The following GDF1 variants were observed in gnomAD, a reference collection of about 807,000 sequenced individuals.
GDF1 encodes growth differentiation factor 1.
GDF1 carries 8 observed loss-of-function variants against 7.4 expected under a neutral mutation model. That is an observed-to-expected ratio of 1.09 (90% CI 0.64 to 1.96). The LOEUF is 1.96. Ranked by LOEUF, GDF1 falls within the 30% of genes most tolerant of loss-of-function variation. The probability of loss-of-function intolerance (pLI) is 0.00; values close to 1 mark genes in which losing one functional copy is unlikely to be tolerated. For missense variants in GDF1, 574 were observed against 551.5 expected (o/e 1.04, Z -0.41); for synonymous variants, 311 against 276.7 (o/e 1.12, Z -1.23).
chr19:18,875,595 C>A lies in GDF1; in HGVS notation c.-313+3335G>T, dbSNP rs375840057. On this transcript the variant is annotated intron_variant, in intron 6 of 7. Coordinates refer to ENST00000247005, the MANE Select transcript of GDF1 (RefSeq NM_001492.6). ...ATTCAACTGTTAAAACGGTAATCCA[C>A]CTGGAATCCTCTCTCTGCTGTGGAG... Among the ~76,000 whole-genome samples, 16 of 152,062 alleles carry A rather than the reference C, an allele frequency of 1.1e-4. No individual in the cohort carries two copies. The East Asian group carries it at 3.1e-3, about 29-fold the overall frequency.
rs555949772 is a variant in GDF1 at position 18,890,049 on chromosome 19, C to T, written c.-914+3367G>A. On this transcript the variant is annotated intron_variant, in intron 2 of 7. Transcript: ENST00000247005. ...CTGGACCCCTGGGGTAGATGCCCAA[C>T]CCAGGGTGACATCCCTCCTCTGCTC... 2.0e-5 allele frequency among the ~76,000 whole-genome samples: 3 copies of T among 152,346 alleles called. 1 individual carries two copies. Among genetic ancestry groups the T allele is most frequent in the East Asian group, 3.9e-4 (2 of 5,186 alleles).
At chr19:18,877,898 C>T (rs940334679) in intron 6 of GDF1, 14 of 925,450 alleles carry the variant, frequency 1.5e-5, no homozygotes, top group African/African-American at 3.6e-5. Context: ...AATACCAGCT[C>T]GAGCCAAAAG....
chr19:18,879,564 C>T (rs566233199), intron 4 of GDF1, among the ~76,000 whole-genome samples, 176 bp from the exon 5 acceptor site: 2 of 150,944 alleles, frequency 1.3e-5, no homozygotes, highest in Admixed American at 6.6e-5. Context: ...CCGCCCACCT[C>T]GCCAAGGCCC....
chr19:18,895,502 C>G lies in GDF1; in HGVS notation c.-1074+322G>C, dbSNP rs2056603721. ...CCAAACTGACCGGAAAGGGCCGTGC[C>G]TCGGTCCCCCACGTCTCAAACATCC... On this transcript the variant is annotated intron_variant, in intron 1 of 7. Transcript: ENST00000247005. The surrounding 1 kb of genome is among the most constrained non-coding windows in gnomAD (Gnocchi z 6.4). 6.6e-6 allele frequency among the ~76,000 whole-genome samples: 1 copy of G among 151,934 alleles called. No individual in the cohort carries two copies. The highest frequency in any genetic ancestry group is 2.4e-5 in the African/African-American group (1 of 41,354).
intron 4 of GDF1, among the ~76,000 whole-genome samples, 172 bp downstream of exon 4, chr19:18,880,102 T>C (rs1322678876): frequency 6.7e-6 from 1 of 149,420 alleles, no homozygotes; most frequent in African/African-American, 2.5e-5. Context: ...TCCTTTCCTG[T>C]ATAGCCCCGC....
Position 18,878,362 on chromosome 19 carries a change from C to T in GDF1, c.-313+568G>A, listed in dbSNP as rs1302211117. ...GCTGTCACCCAGGGCTGGTGAGGCT[C>T]GTGGGCTATCTCCTTCCCCAGGACT... On this transcript the variant is annotated intron_variant, in intron 6 of 7. Transcript: ENST00000247005. This position sits in a 1 kb window ranked among gnomAD's most constrained non-coding sequence, Gnocchi z 4.6. 10 of 986,684 alleles carry T rather than the reference C, an allele frequency of 1.0e-5. No individual in the cohort carries two copies. The highest frequency in any genetic ancestry group is 6.1e-5 in the Admixed American group (1 of 16,482). 61.1% of individuals were successfully genotyped at this position (986,684 alleles called of 1,614,324 possible).
Position 18,870,492 on chromosome 19 carries a change from A to AGGGGGTGG in GDF1, c.-193_-186dup. 1 of 38,484 alleles carries AGGGGGTGG rather than the reference A, an allele frequency of 2.6e-5. No homozygotes were observed. 2.4% of individuals were successfully genotyped at this position (38,484 alleles called of 1,614,324 possible). On this transcript the variant is annotated 5_prime_UTR_variant, in exon 7 of 8. Coordinates refer to ENST00000247005, the MANE Select transcript of GDF1 (RefSeq NM_001492.6). This position sits in a 1 kb window ranked among gnomAD's most constrained non-coding sequence, Gnocchi z 5.1. The stretch of plus-strand genomic sequence containing the variant: ...GGCGGCCCTAGAGGAGCAGAGTTGG[A>AGGGGGTGG]GGGGGTGGAGGGGCGGCCAAGGACG...
chr19:18,888,100 C>T (rs1359770724), intron 2 of GDF1, among the ~76,000 whole-genome samples: 2 of 152,228 alleles, frequency 1.3e-5, no homozygotes, highest in Non-Finnish European at 2.9e-5. Context: ...TGGCTCACGC[C>T]TGTAATCCCA....
In GDF1 at chr19:18,873,309, C is replaced by T. The variant is rs550250379; in HGVS notation, c.-312-2690G>A. On this transcript the variant is annotated intron_variant, in intron 6 of 7. Coordinates refer to ENST00000247005, the MANE Select transcript of GDF1 (RefSeq NM_001492.6). ...GTGGCTAGGAGAGAAATGTAGGAGT[C>T]GGTGTGGATTAAGTGTGGGTAGAGA... 3.9e-5 allele frequency among the ~76,000 whole-genome samples: 6 copies of T among 151,938 alleles called. No individual in the cohort carries two copies. In the East Asian group the frequency reaches 7.8e-4, roughly 20 times the overall value.
chr19:18,886,248 A>T (rs1313855797), intron 2 of GDF1, among the ~76,000 whole-genome samples: 1 of 151,964 alleles, frequency 6.6e-6, no homozygotes, highest in Non-Finnish European at 1.5e-5. Context: ...TCTGCAAAAA[A>T]ATATATAAAA....
In GDF1 at chr19:18,879,055, G is replaced by A. The variant is rs748461371; in HGVS notation, c.-422-16C>T. The A allele has an allele frequency of 1.9e-6, 3 of 1,611,970 alleles. No individual in the cohort carries two copies. Among genetic ancestry groups the A allele is most frequent in the South Asian group, 2.2e-5 (2 of 90,946 alleles). On this transcript the variant is annotated splice_polypyrimidine_tract_variant and intron_variant, in intron 5 of 7. Transcript: ENST00000247005. ...CCACGATGTACTGCGAGAGGGGAGG[G>A]GAGGTGCCAGTGAGAAGAAAGCCCC...
chr19:18,876,134 G>A lies in GDF1; in HGVS notation c.-313+2796C>T, dbSNP rs575917762. On this transcript the variant is annotated intron_variant, in intron 6 of 7. Coordinates refer to ENST00000247005, the MANE Select transcript of GDF1 (RefSeq NM_001492.6). ...TGAGTAGCTGGGATTGCAGGCGTGC[G>A]CCATCATGCCTGGATAATTTTTCGT... 3.3e-5 allele frequency among the ~76,000 whole-genome samples: 5 copies of A among 152,200 alleles called. No individual in the cohort carries two copies. In the East Asian group the frequency reaches 5.8e-4, roughly 18 times the overall value.
In GDF1 at chr19:18,896,041, G is replaced by T. The variant is rs1260997104; in HGVS notation, c.-1291C>A. ...GTAGCTCGGCATGGGCTCGGGCCCCGTCGGCCCCGCCGCGGGCCCCGCCGC... is the reference window on the plus strand; with the variant it reads ...GTAGCTCGGCATGGGCTCGGGCCCCTTCGGCCCCGCCGCGGGCCCCGCCGC... On this transcript the variant is annotated 5_prime_UTR_variant, in exon 1 of 8. Transcript: ENST00000247005. This position sits in a 1 kb window ranked among gnomAD's most constrained non-coding sequence, Gnocchi z 5.9. The T allele has an allele frequency of 1.0e-6, 1 of 989,470 alleles. No homozygotes were observed. The highest frequency in any genetic ancestry group is 1.1e-4 in the East Asian group (1 of 9,012). 61.3% of individuals were successfully genotyped at this position (989,470 alleles called of 1,614,324 possible). A position where few individuals can be genotyped will look rare whatever the true frequency, so the allele number is the denominator to read the frequency against.
In GDF1 at chr19:18,872,031, C is replaced by G. The variant is rs556715521; in HGVS notation, c.-312-1412G>C. On this transcript the variant is annotated intron_variant, in intron 6 of 7. Transcript: ENST00000247005. ...CTCACTGTGTTTTCCAGAGGGTCCCCGTGCTTTCCATTCCTGCCCTCCAGG... is the reference window on the plus strand; with the variant it reads ...CTCACTGTGTTTTCCAGAGGGTCCCGGTGCTTTCCATTCCTGCCCTCCAGG... 3.6e-3 allele frequency among the ~76,000 whole-genome samples: 554 copies of G among 152,288 alleles called. 2 individuals carry two copies. Among genetic ancestry groups the G allele is most frequent in the African/African-American group, 0.013 (534 of 41,544 alleles).
chr19:18,887,779 A>G (rs1483370408), intron 2 of GDF1, among the ~76,000 whole-genome samples: 1 of 151,666 alleles, frequency 6.6e-6, no homozygotes, highest in Non-Finnish European at 1.5e-5. Context: ...TAAGATTTAT[A>G]TGGCAAAAAC....
Position 18,878,913 on chromosome 19 carries a change from G to T in GDF1, c.-313+17C>A. ...ACTAAAGGAGGGAACGCGGGGTGCG[G>T]GCCCCTCCACACTCACTCGGCTTTG... On this transcript the variant is annotated intron_variant, in intron 6 of 7. Coordinates refer to ENST00000247005, the MANE Select transcript of GDF1 (RefSeq NM_001492.6). This position sits in a 1 kb window ranked among gnomAD's most constrained non-coding sequence, Gnocchi z 4.6. The T allele has an allele frequency of 6.2e-7, 1 of 1,612,738 alleles. No homozygotes were observed. The highest frequency in any genetic ancestry group is 1.1e-5 in the South Asian group (1 of 90,932).
chr19:18,886,417 T>C (rs901644749), intron 2 of GDF1, among the ~76,000 whole-genome samples: 8 of 151,986 alleles, frequency 5.3e-5, no homozygotes, highest in Admixed American at 4.6e-4. Context: ...GGTGTGGTGG[T>C]GGGCGCCTGT....
rs747965288 is a variant in GDF1, at chr19:18,878,905, G to T, written c.-313+25C>A. The T allele has an allele frequency of 6.2e-7, 1 of 1,611,506 alleles. No homozygotes were observed. The highest frequency in any genetic ancestry group is 1.1e-5 in the South Asian group (1 of 90,778). On this transcript the variant is annotated intron_variant, in intron 6 of 7. Coordinates refer to ENST00000247005, the MANE Select transcript of GDF1 (RefSeq NM_001492.6). The surrounding 1 kb of genome is among the most constrained non-coding windows in gnomAD (Gnocchi z 4.6). ...CGGGTGACACTAAAGGAGGGAACGC[G>T]GGGTGCGGGCCCCTCCACACTCACT...
intron 2 of GDF1, among the ~76,000 whole-genome samples, chr19:18,885,801 G>A (rs904787950): frequency 6.6e-6 from 1 of 152,058 alleles, no homozygotes; most frequent in African/African-American, 2.4e-5. Flanking sequence ...TTACGGGCGT[G>A]AGCCGCTGCG....
Sources: gnomAD v4.1 joint callset for allele counts (sites outside exome capture counted in the v4.1 genomes callset) on GRCh38, gnomAD v4.1.1 for gene constraint, Gnocchi (gnomAD v3.1) non-coding constraint, MANE v1.5 for transcripts, NCBI Gene and HGNC (gene_info 2026-07-23, HGNC 2026-07-21) for gene names.